Variants in CACNA1D observed in about 807,000 individuals in gnomAD.
CACNA1D encodes the protein voltage-dependent L-type calcium channel subunit alpha-1D.
CACNA1D carries 55 observed loss-of-function variants against 257.1 expected under a neutral mutation model. That is an observed-to-expected ratio of 0.21 (90% CI 0.17 to 0.27). CACNA1D has a LOEUF of 0.27. Ranked by LOEUF, CACNA1D falls within the 10% of genes least tolerant of loss-of-function variation. CACNA1D has a pLI of 1.00. For missense variants in CACNA1D, 1,876 were observed against 2,784.0 expected, an observed-to-expected ratio of 0.67 and a Z score of 7.34; for synonymous variants, 980 against 1,014.9, an observed-to-expected ratio of 0.97 and a Z score of 0.65.
chr3:53,763,541 CGA>C (rs1194955965), intron 30 of CACNA1D, among the ~76,000 whole-genome samples: 1 of 152,158 alleles, frequency 6.6e-6, no homozygotes, highest in Non-Finnish European at 1.5e-5. Context: ...CAGAGCCTTT[CGA>C]GAGAGTGGGC....
intron 7 of CACNA1D, among the ~76,000 whole-genome samples, chr3:53,667,651 A>G (rs2094280781): frequency 6.6e-6 from 1 of 152,236 alleles, no homozygotes; most frequent in Non-Finnish European, 1.5e-5. Context: ...GCCCTTCAGC[A>G]GCTCACAGGA....
chr3:53,712,513 A>G (rs986474913), intron 9 of CACNA1D, among the ~76,000 whole-genome samples: 1 of 152,166 alleles, frequency 6.6e-6, no homozygotes, highest in African/African-American at 2.4e-5. Context: ...GTGGTGGCCT[A>G]ATGTGTCTCT....
chr3:53,660,660 G>A (rs747328696), intron 5 of CACNA1D, among the ~76,000 whole-genome samples: 1 of 151,870 alleles, frequency 6.6e-6, no homozygotes, highest in African/African-American at 2.4e-5. Flanking sequence ...GGATGAGGGT[G>A]TTGGAGTACT....
At chr3:53,652,081 A>G (rs2094103774) in intron 4 of CACNA1D, among the ~76,000 whole-genome samples, 1 of 152,186 alleles carries the variant, frequency 6.6e-6, no homozygotes, top group South Asian at 2.1e-4. Context: ...AGTGTACCAA[A>G]ATGAACAGGT....
intron 8 of CACNA1D, among the ~76,000 whole-genome samples, chr3:53,693,321 G>A (rs542438876): frequency 7.6e-4 from 116 of 152,312 alleles, no homozygotes; most frequent in Non-Finnish European, 1.5e-3. Context: ...CTCATGCAGA[G>A]AGAACATCCT....
At chr3:53,659,873 C>T (rs1031103135) in intron 4 of CACNA1D, among the ~76,000 whole-genome samples, 3 of 152,178 alleles carry the variant, frequency 2.0e-5, no homozygotes, top group African/African-American at 7.2e-5. Flanking sequence ...CCCAGGGAGT[C>T]CCCTCTTCTT....
rs540453717 is a variant in CACNA1D at position 53,801,857 on chromosome 3, G to A, written c.5409-290G>A. 1.4e-4 allele frequency among the ~76,000 whole-genome samples: 22 copies of A among 152,296 alleles called. No homozygotes were observed. The South Asian group carries it at 4.6e-3, about 32-fold the overall frequency. ...TGTAAGTGAATGGGTGTGTGGCTGT[G>A]CCCATTAAAATTTCCCTATGGTCAC... On this transcript the variant is annotated intron_variant, in intron 42 of 47. Coordinates refer to ENST00000350061, the MANE Select transcript of CACNA1D (RefSeq NM_001128840.3).
rs777062281 is a variant in CACNA1D at position 53,803,406 on chromosome 3, C to T, written c.5436-17C>T. 8.8e-5 allele frequency: 142 copies of T among 1,613,982 alleles called. No homozygotes were observed. The highest frequency in any genetic ancestry group is 3.6e-4 in the South Asian group (33 of 91,088). On this transcript the variant is annotated splice_polypyrimidine_tract_variant and intron_variant, in intron 43 of 47. Coordinates refer to ENST00000350061, the MANE Select transcript of CACNA1D (RefSeq NM_001128840.3). ...TGCCGCCTGCCCAGGTTCTCAGATC[C>T]TCTCTCCCAACTGCAGGTCCGACTC...
chr3:53,627,432 G>A (rs1576148345), intron 3 of CACNA1D, among the ~76,000 whole-genome samples: 3 of 152,192 alleles, frequency 2.0e-5, no homozygotes, highest in Non-Finnish European at 2.9e-5. Flanking sequence ...AGAGTTCCCT[G>A]GGGTCTGAGG....
At chr3:53,642,691 T>G (rs2093973418) in intron 3 of CACNA1D, among the ~76,000 whole-genome samples, 1 of 152,132 alleles carries the variant, frequency 6.6e-6, no homozygotes. Flanking sequence ...CTCCGTAGAG[T>G]GGTCCACCAG....
intron 3 of CACNA1D, among the ~76,000 whole-genome samples, chr3:53,577,820 T>G (rs967689324): frequency 9.2e-5 from 14 of 152,238 alleles, no homozygotes; most frequent in African/African-American, 3.4e-4. Context: ...TTCCCTTTAC[T>G]GCTTAAGGAA....
rs2095397860 is a variant in CACNA1D at position 53,776,476 on chromosome 3, GT to G, written c.4363-122del. On this transcript the variant is annotated intron_variant, in intron 35 of 47. Coordinates refer to ENST00000350061, the MANE Select transcript of CACNA1D (RefSeq NM_001128840.3). Reference sequence around the variant, plus strand: ...TTCTTAAACATTCTCCAAATAGAAAGTTTTTACAACTTCTCTTGGAGACATG... The same window carrying G: ...TTCTTAAACATTCTCCAAATAGAAAGTTTTACAACTTCTCTTGGAGACATG... 7.0e-6 allele frequency: 8 copies of G among 1,146,708 alleles called. No homozygotes were observed. The Admixed American group carries it at 1.3e-4, about 19-fold the overall frequency. 71.0% of individuals were successfully genotyped at this position (1,146,708 alleles called of 1,614,324 possible).
chr3:53,509,912 G>T (rs922739117), intron 3 of CACNA1D, among the ~76,000 whole-genome samples: 1 of 152,188 alleles, frequency 6.6e-6, no homozygotes, highest in African/African-American at 2.4e-5. Flanking sequence ...AGGAAATTGA[G>T]GCAGCTTTAT....
chr3:53,555,462 T>TGTG (rs1448053839), intron 3 of CACNA1D, among the ~76,000 whole-genome samples: 731 of 97,604 alleles, frequency 7.5e-3, no homozygotes, highest in African/African-American at 0.029. Context: ...GTGTGTGTGT[T>TGTG]TTTTTTTTTT....
chr3:53,701,246 A>G (rs1409302823), intron 8 of CACNA1D, among the ~76,000 whole-genome samples: 1 of 152,100 alleles, frequency 6.6e-6, no homozygotes, highest in Non-Finnish European at 1.5e-5. Flanking sequence ...GGTTCAAGCA[A>G]TTCTCTTGCC....
At chr3:53,566,816 G>C (rs1282365731) in intron 3 of CACNA1D, among the ~76,000 whole-genome samples, 2 of 152,184 alleles carry the variant, frequency 1.3e-5, no homozygotes, top group Non-Finnish European at 2.9e-5. Context: ...TCTTCCATGA[G>C]TATTCTTCCA....
intron 5 of CACNA1D, 59 bp from the exon 6 acceptor site, chr3:53,665,601 A>G (rs1559487077): frequency 7.7e-7 from 1 of 1,298,624 alleles, no homozygotes; most frequent in East Asian, 2.3e-5. Flanking sequence ...GGAATTATAT[A>G]TATGATTCAT....
chr3:53,785,024 A>G (rs2095445468), intron 39 of CACNA1D, among the ~76,000 whole-genome samples: 1 of 152,116 alleles, frequency 6.6e-6, no homozygotes, highest in African/African-American at 2.4e-5. Context: ...AGAGTTGTGA[A>G]GAGGCCATGA....
At chr3:53,758,871 T>C (rs1486492100) in intron 29 of CACNA1D, among the ~76,000 whole-genome samples, 1 of 152,108 alleles carries the variant, frequency 6.6e-6, no homozygotes, top group African/African-American at 2.4e-5. Flanking sequence ...TTGTATCTTA[T>C]CTTCTGGTTA....
Sources: gnomAD v4.1 joint callset for allele counts (sites outside exome capture counted in the v4.1 genomes callset) on GRCh38, gnomAD v4.1.1 for gene constraint, MANE v1.5 for transcripts, NCBI Gene and HGNC (gene_info 2026-07-23, HGNC 2026-07-21) for gene names.